The following TBL1X variants were observed in gnomAD, a reference collection of about 807,000 sequenced individuals.
TBL1X encodes the protein transducin beta like 1 X-linked.
TBL1X carries 10 observed loss-of-function variants against 50.7 expected under a neutral mutation model. That is an observed-to-expected ratio of 0.20 (90% CI 0.12 to 0.33). TBL1X has a LOEUF of 0.33. Ranked by LOEUF, TBL1X falls within the 10% of genes least tolerant of loss-of-function variation. TBL1X has a pLI of 1.00. For missense variants in TBL1X, 340 were observed against 504.4 expected, an observed-to-expected ratio of 0.67 and a Z score of 3.12; for synonymous variants, 190 against 214.7, an observed-to-expected ratio of 0.88 and a Z score of 1.01.
chrX:9,545,860 G>A (rs1376665689), intron 2 of TBL1X, among the ~76,000 whole-genome samples: 1 of 111,645 alleles, frequency 9.0e-6, no homozygotes, highest in Non-Finnish European at 1.9e-5. Flanking sequence ...TGTATTTTAC[G>A]TCTCTTTAGT....
chrX:9,610,129 T>G (rs2239404), intron 2 of TBL1X, among the ~76,000 whole-genome samples: 49,924 of 110,738 alleles, frequency 0.45, 8,679 homozygotes, highest in East Asian at 0.68. Context: ...TTGATTTTCC[T>G]AGGTGGGGCC....
At chrX:9,587,528 T>G (rs1043825541) in intron 2 of TBL1X, among the ~76,000 whole-genome samples, 1 of 111,741 alleles carries the variant, frequency 8.9e-6, no homozygotes, top group Non-Finnish European at 1.9e-5. Flanking sequence ...TGTGCCATGT[T>G]TACCAGGGCC....
At chrX:9,583,055 T>G (rs1423455754) in intron 2 of TBL1X, among the ~76,000 whole-genome samples, 1 of 112,829 alleles carries the variant, frequency 8.9e-6, no homozygotes, top group East Asian at 2.8e-4. Flanking sequence ...CCTGTTTGCC[T>G]TAACGAAAAG....
chrX:9,683,715 A>C (rs1251232578), intron 5 of TBL1X, among the ~76,000 whole-genome samples: 2 of 111,214 alleles, frequency 1.8e-5, no homozygotes, highest in Admixed American at 1.9e-4. Context: ...AATTTGAGTA[A>C]CAGAAATGTC....
intron 2 of TBL1X, among the ~76,000 whole-genome samples, chrX:9,586,762 T>C (rs2082472043): frequency 9.0e-6 from 1 of 111,257 alleles, no homozygotes; most frequent in Admixed American, 9.5e-5. Context: ...TAGCCAGGCA[T>C]GGTACTGCAT....
intron 2 of TBL1X, among the ~76,000 whole-genome samples, chrX:9,607,286 T>A (rs1040191120): frequency 1.8e-5 from 2 of 113,066 alleles, no homozygotes; most frequent in Non-Finnish European, 3.7e-5. Flanking sequence ...GCCTGACTTA[T>A]CGGACATTTC....
chrX:9,598,503 G>A (rs2082537140), intron 2 of TBL1X, among the ~76,000 whole-genome samples: 2 of 111,342 alleles, frequency 1.8e-5, no homozygotes, highest in African/African-American at 3.3e-5. Context: ...TCGCTACCCC[G>A]GGCATCACTT....
chrX:9,530,253 A>G (rs1418978902), intron 2 of TBL1X, among the ~76,000 whole-genome samples: 1 of 112,070 alleles, frequency 8.9e-6, no homozygotes, highest in African/African-American at 3.2e-5. Context: ...TGTTAGAGTC[A>G]GTAGCTTCTA....
intron 2 of TBL1X, among the ~76,000 whole-genome samples, chrX:9,524,673 T>C (rs1569214803): frequency 8.9e-6 from 1 of 112,660 alleles, no homozygotes; most frequent in Non-Finnish European, 1.9e-5. Flanking sequence ...TGAATAATGC[T>C]GCTACAAACT....
intron 2 of TBL1X, among the ~76,000 whole-genome samples, chrX:9,616,311 G>T (rs975213338): frequency 9.0e-6 from 1 of 111,373 alleles, no homozygotes; most frequent in Non-Finnish European, 1.9e-5. Context: ...AGAAATCTAG[G>T]GTTTATTTAA....
chrX:9,505,027 G>T (rs183701894), intron 2 of TBL1X, among the ~76,000 whole-genome samples: 1 of 111,592 alleles, frequency 9.0e-6, no homozygotes, highest in South Asian at 3.8e-4. Context: ...TTCCAAGGTC[G>T]AAATGAAGGA....
At chrX:9,694,006 G>A (rs1008540309) in intron 11 of TBL1X, among the ~76,000 whole-genome samples, 1 of 110,832 alleles carries the variant, frequency 9.0e-6, no homozygotes, top group Non-Finnish European at 1.9e-5. Flanking sequence ...CCATCAATGG[G>A]GTGGGAACCC....
At chrX:9,605,926 T>C (rs1395714838) in intron 2 of TBL1X, among the ~76,000 whole-genome samples, 1 of 112,524 alleles carries the variant, frequency 8.9e-6, no homozygotes, top group Non-Finnish European at 1.9e-5. Flanking sequence ...GTATCAGTTA[T>C]CTGTTGATTG....
intron 2 of TBL1X, among the ~76,000 whole-genome samples, chrX:9,601,854 C>T (rs191874232): frequency 7.2e-5 from 8 of 111,742 alleles, no homozygotes; most frequent in African/African-American, 2.6e-4. Context: ...CCAGCCTGGC[C>T]AACATGGCGA....
intron 2 of TBL1X, among the ~76,000 whole-genome samples, chrX:9,516,619 C>T (rs2082082005): frequency 1.8e-5 from 2 of 112,097 alleles, no homozygotes; most frequent in Admixed American, 1.9e-4. Context: ...AGGGAGAATG[C>T]AAGGGAAATT....
intron 5 of TBL1X, among the ~76,000 whole-genome samples, chrX:9,678,280 G>C (rs146558894): frequency 8.9e-6 from 1 of 112,178 alleles, no homozygotes; most frequent in East Asian, 2.8e-4. Flanking sequence ...TAGAGGAGCA[G>C]ATAGTAAATA....
intron 2 of TBL1X, among the ~76,000 whole-genome samples, chrX:9,591,377 C>T (rs192819701): frequency 4.4e-4 from 49 of 112,246 alleles, no homozygotes; most frequent in African/African-American, 1.4e-3. Context: ...TTCTCTCAGA[C>T]GCCTTGCTGT....
At chrX:9,548,083 C>G (rs1413653793) in intron 2 of TBL1X, among the ~76,000 whole-genome samples, 5 of 108,510 alleles carry the variant, frequency 4.6e-5, no homozygotes, top group Non-Finnish European at 9.5e-5. Context: ...TTGAGATTCT[C>G]TTGTCGTTAG....
intron 3 of TBL1X, among the ~76,000 whole-genome samples, chrX:9,645,798 C>G (rs916667283): frequency 4.5e-5 from 5 of 112,036 alleles, no homozygotes; most frequent in African/African-American, 9.7e-5. Context: ...CCAAACTTTT[C>G]CTCTGTATGT....
Sources: gnomAD v4.1 joint callset for allele counts (sites outside exome capture counted in the v4.1 genomes callset) on GRCh38, gnomAD v4.1.1 for gene constraint, MANE v1.5 for transcripts, NCBI Gene and HGNC (gene_info 2026-07-23, HGNC 2026-07-21) for gene names.